ABI3: variants seen among roughly 807,000 people sequenced by gnomAD.
ABI3 encodes ABI family member 3.
A neutral mutation model predicts 37.0 loss-of-function variants in ABI3; 24 were observed. That is an observed-to-expected ratio of 0.65 (90% CI 0.47 to 0.91). The LOEUF is 0.91. ABI3 is among the 40% of genes least tolerant of loss of function. The probability of loss-of-function intolerance (pLI) is 0.00; values close to 1 mark genes in which losing one functional copy is unlikely to be tolerated. For missense variants in ABI3, 481 were observed against 485.1 expected, an observed-to-expected ratio of 0.99 and a Z score of 0.08; for synonymous variants, 220 against 211.8, an observed-to-expected ratio of 1.04 and a Z score of -0.34.
Position 49,219,793 on chromosome 17 carries a change from C to A in ABI3, c.549-65C>A. The A allele has an allele frequency of 6.7e-7, 1 of 1,500,178 alleles. No individual in the cohort carries two copies. The highest frequency in any genetic ancestry group is 9.0e-7 in the Non-Finnish European group (1 of 1,112,614). The allele number at this position is 1,500,178 out of a possible 1,614,324, so 92.9% of individuals were successfully genotyped here. On this transcript the variant is annotated intron_variant, in intron 4 of 7. Transcript: ENST00000225941. This position sits in a 1 kb window ranked among gnomAD's most constrained non-coding sequence, Gnocchi z 4.3. ...CGGCCACCTGCCCTTCCTGCTCGCA[C>A]CCGACCCCTGCTGGCCAGAAGCCTT...
chr17:49,222,263 C>T, intron 7 of ABI3, 38 bp downstream of exon 7: 2 of 1,601,152 alleles, frequency 1.2e-6, no homozygotes, highest in Non-Finnish European at 1.7e-6. Flanking sequence ...CCGGATCCCA[C>T]TTCCTCTGTT....
At position 49,220,169 on chromosome 17, in the gene ABI3, C is replaced by T. The variant is rs147987389; in HGVS notation, c.645C>T (p.Gly215=). 1 of 1,611,732 alleles carries T rather than the reference C, an allele frequency of 6.2e-7. No individual in the cohort carries two copies. Among genetic ancestry groups the T allele is most frequent in the African/African-American group, 1.3e-5 (1 of 74,868 alleles). The change falls in exon 6 of 8, where the codon GGC becomes GGT. Residue 215 remains glycine, a splice_region_variant and synonymous_variant. Coordinates refer to ENST00000225941, the MANE Select transcript of ABI3 (RefSeq NM_016428.3). The part of the protein sequence containing the change: ...ASSAFSLASA[G]SAEGVGGAPT... ...GCCAACCGGGCTCTCTGGTGTTCAG[C>T]AGCGCCGAAGGTGTCGGTGGGGCCC...
At chr17:49,214,329 G>C (rs764369898) in intron 1 of ABI3, among the ~76,000 whole-genome samples, 1 of 152,144 alleles carries the variant, frequency 6.6e-6, no homozygotes, top group Admixed American at 6.5e-5. Context: ...TCCATGACCC[G>C]ACCAGAGATG....
chr17:49,214,535 C>T (rs901139538), intron 1 of ABI3, among the ~76,000 whole-genome samples: 6 of 152,094 alleles, frequency 3.9e-5, no homozygotes, highest in South Asian at 4.1e-4. Context: ...ATGGAGAAAC[C>T]GCATCTCTAC....
At position 49,223,023 on chromosome 17, in the gene ABI3, C is replaced by T. The variant is rs1171176232; in HGVS notation, c.*308C>T. 2.0e-6 allele frequency: 1 copy of T among 488,068 alleles called. No homozygotes were observed. The highest frequency in any genetic ancestry group is 4.2e-5 in the South Asian group (1 of 23,592). 30.2% of individuals were successfully genotyped at this position (488,068 alleles called of 1,614,324 possible). ...TAAAACAGATGATGTCCTGTGACTG[C>T]CCCACAGAGATAAGGGGCCAGGAGG... On this transcript the variant is annotated 3_prime_UTR_variant, in exon 8 of 8. Coordinates refer to ENST00000225941, the MANE Select transcript of ABI3 (RefSeq NM_016428.3).
At chr17:49,215,929 C>A (rs571463600) in intron 1 of ABI3, among the ~76,000 whole-genome samples, 3 of 151,018 alleles carry the variant, frequency 2.0e-5, no homozygotes, top group Non-Finnish European at 4.4e-5. Flanking sequence ...CATGGAGAAA[C>A]CCTGTCTCTA....
intron 6 of ABI3, among the ~76,000 whole-genome samples, chr17:49,220,599 G>A (rs2043273970): frequency 6.6e-6 from 1 of 152,046 alleles, no homozygotes. Context: ...AATCCCAGCA[G>A]TTTGGGTGGC....
At chr17:49,221,305 C>T (rs1048727677) in intron 6 of ABI3, among the ~76,000 whole-genome samples, 31 of 151,466 alleles carry the variant, frequency 2.0e-4, no homozygotes, top group Middle Eastern at 3.4e-3. Flanking sequence ...CCTGTCTCTA[C>T]TAAAAATACA....
Position 49,219,986 on chromosome 17 carries a change from G to T in ABI3, c.644+33G>T. ...CTACAAGCCCACGTGGGTGGGTGGG[G>T]GGTGGGAAGTGGCTTTTGAGAGGGG... On this transcript the variant is annotated intron_variant, in intron 5 of 7. Coordinates refer to ENST00000225941, the MANE Select transcript of ABI3 (RefSeq NM_016428.3). The surrounding 1 kb of genome is among the most constrained non-coding windows in gnomAD (Gnocchi z 4.3). 1 of 1,120,290 alleles carries T rather than the reference G, an allele frequency of 8.9e-7. No homozygotes were observed. Among genetic ancestry groups the T allele is most frequent in the Non-Finnish European group, 1.3e-6 (1 of 765,312 alleles). The allele number at this position is 1,120,290 out of a possible 1,614,324, so 69.4% of individuals were successfully genotyped here.
In ABI3 at chr17:49,219,901, C is replaced by T. The variant is rs1462091216; in HGVS notation, c.592C>T (p.Pro198Ser). 3 of 1,555,264 alleles carry T rather than the reference C, an allele frequency of 1.9e-6. No individual in the cohort carries two copies. The highest frequency in any genetic ancestry group is 1.2e-5 in the South Asian group (1 of 85,450). ...CGAGCCAGTGCACCTGCCGGTGGTG[C>T]CCGACGGCAGACTCTCCGCCGCCTC... ...IPEPVHLPVVPDGRLSAASSA... is the reference protein window; with the variant it reads ...IPEPVHLPVVSDGRLSAASSA... The change falls in exon 5 of 8, where the codon CCC becomes TCC. Residue 198 changes from proline (P) to serine (S), a missense_variant. Transcript: ENST00000225941. This position sits in a 1 kb window ranked among gnomAD's most constrained non-coding sequence, Gnocchi z 4.3.
chr17:49,212,140 G>C (rs2043175171), intron 1 of ABI3, among the ~76,000 whole-genome samples: 1 of 151,962 alleles, frequency 6.6e-6, no homozygotes, highest in Non-Finnish European at 1.5e-5. Context: ...TTTTTGTAAA[G>C]ACAGGGTCTC....
intron 2 of ABI3, among the ~76,000 whole-genome samples, chr17:49,217,370 C>T (rs758350684): frequency 6.6e-6 from 1 of 152,150 alleles, no homozygotes; most frequent in East Asian, 1.9e-4. Flanking sequence ...AAGGGGAGAG[C>T]TGATCCAGCC....
intron 1 of ABI3, among the ~76,000 whole-genome samples, chr17:49,211,921 C>G (rs1422010171): frequency 6.6e-6 from 1 of 150,750 alleles, no homozygotes; most frequent in South Asian, 2.1e-4. Context: ...TCTGGGATTA[C>G]AGGAGTGAGC....
At chr17:49,220,846 AAATAATAATAATAATAATAAT>A (rs201119263) in intron 6 of ABI3, among the ~76,000 whole-genome samples, 16 of 137,274 alleles carry the variant, frequency 1.2e-4, no homozygotes, top group East Asian at 4.3e-4. Flanking sequence ...CTCCATCTCA[AAATAATAATAATAATAATAAT>A]AATAATAATA....
chr17:49,218,948 C>A (rs910179832), intron 3 of ABI3, among the ~76,000 whole-genome samples: 4 of 152,000 alleles, frequency 2.6e-5, no homozygotes, highest in Non-Finnish European at 4.4e-5. Flanking sequence ...CAGCTCAAAT[C>A]TCTTTTGTCT....
chr17:49,220,275 G>A lies in ABI3; in HGVS notation c.751G>A (p.Glu251Lys), dbSNP rs771980419. The change falls in exon 6 of 8, where the codon GAG (glutamate) becomes AAG (lysine). Residue 251 changes from glutamate (E) to lysine (K), a missense_variant. Physicochemically the swap from Glu to Lys is moderately conservative, Grantham distance 56. Transcript: ENST00000225941. ...CCCACCTCCTCCACCAGCAGCCGTC[G>A]AGGTGTTCCAGCGGCCTCCCACGCT... ...LDPPPPPAAV[E>K]VFQRPPTLEE... 1.0e-5 allele frequency: 16 copies of A among 1,605,944 alleles called. No homozygotes were observed. Among genetic ancestry groups the A allele is most frequent in the Admixed American group, 6.8e-5 (4 of 59,036 alleles).
intron 1 of ABI3, among the ~76,000 whole-genome samples, chr17:49,215,651 C>A (rs1048912560): frequency 2.6e-5 from 4 of 152,014 alleles, no homozygotes; most frequent in African/African-American, 9.7e-5. Context: ...GCAGGCACCA[C>A]CATGCCTGGC....
rs1483823066 is a variant in ABI3, at chr17:49,219,968, C to G, written c.644+15C>G. The G allele has an allele frequency of 6.5e-7, 1 of 1,539,372 alleles. No individual in the cohort carries two copies. The highest frequency in any genetic ancestry group is 1.2e-5 in the South Asian group (1 of 84,388). On this transcript the variant is annotated intron_variant, in intron 5 of 7. Coordinates refer to ENST00000225941, the MANE Select transcript of ABI3 (RefSeq NM_016428.3). This position sits in a 1 kb window ranked among gnomAD's most constrained non-coding sequence, Gnocchi z 4.3. ...GCCTCGGCCGGGTGAGACCTACAAG[C>G]CCACGTGGGTGGGTGGGGGGTGGGA...
Position 49,220,846 on chromosome 17 carries a change from AAATAATAATAATAATAATAATAAT to A in ABI3, c.802+544_802+567del, listed in dbSNP as rs201119263. 1.3e-3 allele frequency among the ~76,000 whole-genome samples: 176 copies of A among 137,272 alleles called. 1 individual carries two copies. Among genetic ancestry groups the A allele is most frequent in the Non-Finnish European group, 2.2e-3 (140 of 65,072 alleles). 90.1% of individuals were successfully genotyped at this position (137,272 alleles called of 152,430 possible). On this transcript the variant is annotated intron_variant, in intron 6 of 7. Transcript: ENST00000225941. ...GCAACAAGAGCGAAACTCCATCTCAAAATAATAATAATAATAATAATAATAATAATAATAATAATAATAATAAAC... is the reference window on the plus strand; with the variant it reads ...GCAACAAGAGCGAAACTCCATCTCAAAATAATAATAATAATAATAATAAAC...
Sources: gnomAD v4.1 joint callset for allele counts (sites outside exome capture counted in the v4.1 genomes callset) on GRCh38, gnomAD v4.1.1 for gene constraint, Gnocchi (gnomAD v3.1) non-coding constraint, MANE v1.5 for transcripts, NCBI Gene and HGNC (gene_info 2026-07-23, HGNC 2026-07-21) for gene names.